MCPH1: variants seen among roughly 807,000 people sequenced by gnomAD.
The protein encoded by MCPH1 is microcephalin.
In MCPH1, 104 loss-of-function variants were observed where a neutral mutation model predicts 84.5. The ratio of observed to expected loss-of-function variants is 1.23; its 90% CI spans 1.05 to 1.45. MCPH1 has a LOEUF of 1.45. Among genes scored for constraint, MCPH1 ranks in the 40% most tolerant of loss-of-function variants. The pLI is 0.00. For missense variants in MCPH1, 1,498 were observed against 1,005.7 expected, an observed-to-expected ratio of 1.49 and a Z score of -6.62; for synonymous variants, 514 against 366.8, an observed-to-expected ratio of 1.40 and a Z score of -4.58.
chr8:6,446,323 A>C, intron 8 of MCPH1: 2 of 985,312 alleles, frequency 2.0e-6, no homozygotes, highest in South Asian at 4.7e-5. Context: ...GATTAGGTTA[A>C]AATTTGAGTG....
At chr8:6,458,979 A>G (rs1391057950) in intron 9 of MCPH1, among the ~76,000 whole-genome samples, 1 of 152,118 alleles carries the variant, frequency 6.6e-6, no homozygotes, top group Non-Finnish European at 1.5e-5. Flanking sequence ...ATAACTTCCC[A>G]GTAGTTTGAG....
At chr8:6,607,211 A>T (rs959800986) in intron 12 of MCPH1, among the ~76,000 whole-genome samples, 1 of 152,164 alleles carries the variant, frequency 6.6e-6, no homozygotes, top group Non-Finnish European at 1.5e-5. Context: ...TACTTGGAGG[A>T]AAGGAACATC....
At chr8:6,534,638 A>T (rs991007066) in intron 12 of MCPH1, among the ~76,000 whole-genome samples, 1 of 152,208 alleles carries the variant, frequency 6.6e-6, no homozygotes, top group African/African-American at 2.4e-5. Context: ...GTATTAAAAA[A>T]TTTTTAAAAA....
chr8:6,414,688 A>C lies in MCPH1; in HGVS notation c.115-77A>C. 3 of 1,504,544 alleles carry C rather than the reference A, an allele frequency of 2.0e-6. No homozygotes were observed. In the South Asian group the frequency reaches 3.5e-5, roughly 18 times the overall value. The allele number at this position is 1,504,544 out of a possible 1,614,324, so 93.2% of individuals were successfully genotyped here. ...TGTTGAGAAACAGAATTGCTGGGGTAGAGGTTTTTTGATCAGTTGTAGTTA... is the reference window on the plus strand; with the variant it reads ...TGTTGAGAAACAGAATTGCTGGGGTCGAGGTTTTTTGATCAGTTGTAGTTA... On this transcript the variant is annotated intron_variant, in intron 2 of 13. Transcript: ENST00000344683.
intron 12 of MCPH1, chr8:6,562,526 C>T (rs923069050): frequency 9.4e-6 from 8 of 848,508 alleles, no homozygotes; most frequent in Non-Finnish European, 1.1e-5. Flanking sequence ...ACCCGCTCTC[C>T]AGCTCTAATC....
rs73514761 is a variant in MCPH1, at chr8:6,407,169, C to T, written c.22+480C>T. ...CCTCCGGAAGTTGGTGTGGGGCCCT[C>T]CTGGGTCTGGTCCTGTTCGACCCCC... is the stretch of plus-strand genomic sequence containing the variant. On this transcript the variant is annotated intron_variant, in intron 1 of 13. Transcript: ENST00000344683. The T allele has an allele frequency of 6.3e-3, 1,462 of 230,880 alleles. 30 individuals are homozygous for T. The highest frequency in any genetic ancestry group is 0.032 in the African/African-American group (1,363 of 42,372). 14.3% of individuals were successfully genotyped at this position (230,880 alleles called of 1,614,324 possible). A position where few individuals can be genotyped will look rare whatever the true frequency, so the allele number is the denominator to read the frequency against.
chr8:6,595,669 C>G (rs1478301038), intron 12 of MCPH1, among the ~76,000 whole-genome samples: 1 of 152,180 alleles, frequency 6.6e-6, no homozygotes, highest in Admixed American at 6.5e-5. Flanking sequence ...GTGAAGAGTG[C>G]ACTGTCCAAC....
At chr8:6,542,291 G>T (rs1821740704) in intron 12 of MCPH1, among the ~76,000 whole-genome samples, 1 of 149,944 alleles carries the variant, frequency 6.7e-6, no homozygotes, top group South Asian at 2.1e-4. Context: ...GTGAGGTAGG[G>T]GTGTGTGTGT....
intron 12 of MCPH1, chr8:6,501,519 G>A (rs952727863): frequency 2.7e-5 from 4 of 150,410 alleles, no homozygotes; most frequent in African/African-American, 9.8e-5. Context: ...GTAGTCCCGA[G>A]TATAAAGCTG....
chr8:6,630,442 T>C lies in MCPH1; in HGVS notation c.2452+8751T>C, dbSNP rs56745538. Among the ~76,000 whole-genome samples, 885 of 152,202 alleles carry C rather than the reference T, an allele frequency of 5.8e-3. 8 individuals are homozygous for C. Among genetic ancestry groups the C allele is most frequent in the African/African-American group, 0.02 (835 of 41,536 alleles). ...ATGTTACCAAAATTGATTCAAGAAA[T>C]AGAAAATCTAAACAAGCTCAAGCGT... is the stretch of plus-strand genomic sequence containing the variant. On this transcript the variant is annotated intron_variant, in intron 13 of 13. Transcript: ENST00000344683.
At chr8:6,518,210 T>C (rs1485124847) in intron 12 of MCPH1, among the ~76,000 whole-genome samples, 2 of 152,184 alleles carry the variant, frequency 1.3e-5, no homozygotes, top group African/African-American at 4.8e-5. Flanking sequence ...GGCATCCCCA[T>C]TTCACATGCA....
intron 13 of MCPH1, among the ~76,000 whole-genome samples, chr8:6,623,145 A>C (rs1831649981): frequency 6.7e-6 from 1 of 149,838 alleles, no homozygotes; most frequent in African/African-American, 2.5e-5. Context: ...GAGCCACTGC[A>C]CCCAGCCCCA....
chr8:6,637,562 A>AG (rs1200653030), intron 13 of MCPH1, among the ~76,000 whole-genome samples: 5 of 152,214 alleles, frequency 3.3e-5, no homozygotes, highest in African/African-American at 1.2e-4. Context: ...GACAACAGCA[A>AG]GAAGTTTGGG....
chr8:6,527,858 C>G lies in MCPH1; in HGVS notation c.2214+27929C>G, dbSNP rs1818638537. 2.7e-5 allele frequency among the ~76,000 whole-genome samples: 4 copies of G among 149,920 alleles called. No individual in the cohort carries two copies. The South Asian group carries it at 6.3e-4, about 24-fold the overall frequency. On this transcript the variant is annotated intron_variant, in intron 12 of 13. Coordinates refer to ENST00000344683, the MANE Select transcript of MCPH1 (RefSeq NM_024596.5). The stretch of plus-strand genomic sequence containing the variant: ...AAAGGCTCAATGTCTTAGATCACAT[C>G]TGAGTGTGTTAAACCTTTTTACTCT...
chr8:6,474,200 G>T, intron 9 of MCPH1: 1 of 702,988 alleles, frequency 1.4e-6, no homozygotes, highest in Admixed American at 2.0e-5. Flanking sequence ...ATCTAAAATG[G>T]GACAATTATA....
intron 12 of MCPH1, among the ~76,000 whole-genome samples, chr8:6,529,523 T>C (rs1019024364): frequency 6.6e-6 from 1 of 151,430 alleles, no homozygotes; most frequent in Non-Finnish European, 1.5e-5. Context: ...ACCATATCTG[T>C]TCACTACAGA....
At chr8:6,630,614 T>C (rs1797082009) in intron 13 of MCPH1, among the ~76,000 whole-genome samples, 1 of 151,900 alleles carries the variant, frequency 6.6e-6, no homozygotes, top group South Asian at 2.1e-4. Flanking sequence ...AAACCCTGTC[T>C]TTACTAAAAA....
At position 6,500,177 on chromosome 8, in the gene MCPH1, A is replaced by T. The variant is rs181729553; in HGVS notation, c.2214+248A>T. ...AAAATTTGACGATTAACATCCTCAG[A>T]ACTGAGAAAAACAAAAATGAAAAAA... On this transcript the variant is annotated intron_variant, in intron 12 of 13. Transcript: ENST00000344683. The T allele has an allele frequency of 2.9e-5, 14 of 487,154 alleles. No individual in the cohort carries two copies. The East Asian group carries it at 5.3e-4, about 19-fold the overall frequency. 30.2% of individuals were successfully genotyped at this position (487,154 alleles called of 1,614,324 possible).
Position 6,503,094 on chromosome 8 carries a change from G to A in MCPH1, c.2214+3165G>A, listed in dbSNP as rs773693217. The A allele has an allele frequency of 1.9e-6, 3 of 1,614,004 alleles. No homozygotes were observed. In the Admixed American group the frequency reaches 5.0e-5, roughly 27 times the overall value. ...TTCGAGACAGTTCCTCAGGTGGACT[G>A]GGATGTTTAGAAATCTGCTGGTCGG... On this transcript the variant is annotated intron_variant, in intron 12 of 13. Transcript: ENST00000344683.
Sources: gnomAD v4.1 joint callset for allele counts (sites outside exome capture counted in the v4.1 genomes callset) on GRCh38, gnomAD v4.1.1 for gene constraint, MANE v1.5 for transcripts, NCBI Gene and HGNC (gene_info 2026-07-23, HGNC 2026-07-21) for gene names.